Variants in AGAP1 observed in about 807,000 individuals in gnomAD.
AGAP1 encodes ArfGAP with GTPase domain, ankyrin repeat and PH domain 1, also known as arf-GAP with GTPase, ANK repeat and PH domain-containing protein 1.
Under a neutral mutation model 105.3 loss-of-function variants are expected in AGAP1, and 29 were observed. The ratio of observed to expected loss-of-function variants is 0.28; its 90% CI spans 0.21 to 0.38. AGAP1 has a LOEUF of 0.38. Among genes scored for constraint, AGAP1 ranks in the 10% least tolerant of loss-of-function variants. The pLI is 1.00. For missense variants in AGAP1, 998 were observed against 1,165.1 expected (o/e 0.86, Z 2.09); for synonymous variants, 509 against 485.9 (o/e 1.05, Z -0.63).
intron 11 of AGAP1, among the ~76,000 whole-genome samples, chr2:235,911,176 A>G (rs191446808): frequency 1.1e-4 from 16 of 152,338 alleles, no homozygotes; most frequent in Admixed American, 6.5e-4. Context: ...TTATGTATAC[A>G]TTGTGGAATG....
chr2:235,744,356 T>C lies in AGAP1; in HGVS notation c.397-342T>C, dbSNP rs1363638799. ...CTGGCAGGAGGTGGGTCTGGCCTTC[T>C]GTCTGCGGGGCCGCCTTGGCAGGTC... On this transcript the variant is annotated intron_variant, in intron 4 of 17. Transcript: ENST00000304032. This position sits in a 1 kb window ranked among gnomAD's most constrained non-coding sequence, Gnocchi z 5.2. 6.6e-6 allele frequency among the ~76,000 whole-genome samples: 1 copy of C among 152,192 alleles called. No individual in the cohort carries two copies. Among genetic ancestry groups the C allele is most frequent in the Non-Finnish European group, 1.5e-5 (1 of 68,040 alleles).
At chr2:235,826,858 T>TA (rs1241543386) in intron 9 of AGAP1, among the ~76,000 whole-genome samples, 8 of 152,226 alleles carry the variant, frequency 5.3e-5, no homozygotes, top group Non-Finnish European at 7.3e-5. Context: ...AGAATGTTTC[T>TA]AAAACACACA....
rs1224896028 is a variant in AGAP1, at chr2:235,992,576, A to G, written c.1645+23953A>G. 6.6e-6 allele frequency among the ~76,000 whole-genome samples: 1 copy of G among 152,170 alleles called. No individual in the cohort carries two copies. The highest frequency in any genetic ancestry group is 1.9e-4 in the East Asian group (1 of 5,192). ...TGACTCACCTAAGAAAGGCTCGGGG[A>G]CACTGTTGTGTTCTGATGTAAGAGA... is the stretch of plus-strand genomic sequence containing the variant. On this transcript the variant is annotated intron_variant, in intron 13 of 17. Coordinates refer to ENST00000304032, the MANE Select transcript of AGAP1 (RefSeq NM_001037131.3). This position sits in a 1 kb window ranked among gnomAD's most constrained non-coding sequence, Gnocchi z 4.8.
At chr2:235,514,188 C>T (rs986117417) in intron 1 of AGAP1, among the ~76,000 whole-genome samples, 1 of 151,582 alleles carries the variant, frequency 6.6e-6, no homozygotes, top group Non-Finnish European at 1.5e-5. Context: ...ACACACATAC[C>T]TCCTCTCAGA....
At position 235,754,820 on chromosome 2, in the gene AGAP1, A is replaced by G. The variant is rs895946738; in HGVS notation, c.673+4332A>G. Among the ~76,000 whole-genome samples the G allele has an allele frequency of 1.3e-5, 2 of 152,124 alleles. No individual in the cohort carries two copies. The highest frequency in any genetic ancestry group is 2.9e-5 in the Non-Finnish European group (2 of 68,026). ...CGCAGGCAGGGTCCCTTCCTCCGTG[A>G]AGTTAAGGTCCACTAGGGAGGGTAA... On this transcript the variant is annotated intron_variant, in intron 6 of 17. Transcript: ENST00000304032. This position sits in a 1 kb window ranked among gnomAD's most constrained non-coding sequence, Gnocchi z 4.6.
intron 12 of AGAP1, among the ~76,000 whole-genome samples, chr2:235,944,581 A>G (rs538906089): frequency 2.3e-4 from 35 of 152,206 alleles, no homozygotes; most frequent in Non-Finnish European, 4.1e-4. Context: ...CCTTTGTTCT[A>G]TATCAAGCTT....
chr2:236,087,038 CTG>C lies in AGAP1; in HGVS notation c.2115-33152_2115-33151del, dbSNP rs2058948036. Among the ~76,000 whole-genome samples, 1 of 152,106 alleles carries C rather than the reference CTG, an allele frequency of 6.6e-6. No individual in the cohort carries two copies. The highest frequency in any genetic ancestry group is 6.6e-5 in the Admixed American group (1 of 15,266). Reference sequence around the variant, plus strand: ...AGAGGAGGTAGGTAAACTCAGGAAACTGTTTTCATGAGTAAATGAAGGAAACA... The same window carrying C: ...AGAGGAGGTAGGTAAACTCAGGAAACTTTTCATGAGTAAATGAAGGAAACA... On this transcript the variant is annotated intron_variant, in intron 16 of 17. Transcript: ENST00000304032. This position sits in a 1 kb window ranked among gnomAD's most constrained non-coding sequence, Gnocchi z 5.7.
chr2:235,568,880 T>A (rs1944431373), intron 1 of AGAP1, among the ~76,000 whole-genome samples: 1 of 152,078 alleles, frequency 6.6e-6, no homozygotes, highest in Non-Finnish European at 1.5e-5. Context: ...CTCTCACCTC[T>A]GCTCTATCAT....
chr2:235,653,263 A>T (rs920436261), intron 1 of AGAP1, among the ~76,000 whole-genome samples: 29 of 152,022 alleles, frequency 1.9e-4, no homozygotes, highest in African/African-American at 4.3e-4. Flanking sequence ...CAGGAGATCG[A>T]GACCATCCTG....
rs1227609162 is a variant in AGAP1, at chr2:236,099,412, A to G, written c.2115-20780A>G. On this transcript the variant is annotated intron_variant, in intron 16 of 17. Transcript: ENST00000304032. ...GGAGGTTGCGGTGAGCCGAGATCACACCACTGCACTCCAGCCTGGGCGACA... is the reference window on the plus strand; with the variant it reads ...GGAGGTTGCGGTGAGCCGAGATCACGCCACTGCACTCCAGCCTGGGCGACA... 4.0e-5 allele frequency among the ~76,000 whole-genome samples: 6 copies of G among 151,700 alleles called. No individual in the cohort carries two copies. In the South Asian group the frequency reaches 1.3e-3, roughly 32 times the overall value.
At chr2:235,641,339 T>C (rs62189205) in intron 1 of AGAP1, among the ~76,000 whole-genome samples, 3 of 151,094 alleles carry the variant, frequency 2.0e-5, no homozygotes, top group Non-Finnish European at 3.0e-5. Context: ...TCCCTCCCTC[T>C]CTTCCTTCCT....
In AGAP1 at chr2:235,751,675, C is replaced by G. The variant is rs1334375426; in HGVS notation, c.673+1187C>G. Among the ~76,000 whole-genome samples, 1 of 152,222 alleles carries G rather than the reference C, an allele frequency of 6.6e-6. No individual in the cohort carries two copies. Among genetic ancestry groups the G allele is most frequent in the Non-Finnish European group, 1.5e-5 (1 of 68,048 alleles). Reference sequence around the variant, plus strand: ...CATCAGTTCTCAAACTTCACATTTTCTTTCCTGGAGCAGTGAGGTTCCTTT... The same window carrying G: ...CATCAGTTCTCAAACTTCACATTTTGTTTCCTGGAGCAGTGAGGTTCCTTT... On this transcript the variant is annotated intron_variant, in intron 6 of 17. Coordinates refer to ENST00000304032, the MANE Select transcript of AGAP1 (RefSeq NM_001037131.3). This position sits in a 1 kb window ranked among gnomAD's most constrained non-coding sequence, Gnocchi z 5.3.
chr2:235,617,711 A>G (rs930749772), intron 1 of AGAP1, among the ~76,000 whole-genome samples: 3 of 152,200 alleles, frequency 2.0e-5, no homozygotes, highest in African/African-American at 7.2e-5. Context: ...CAAACAAACA[A>G]AAGAACATTT....
At chr2:235,526,833 C>G (rs1942858998) in intron 1 of AGAP1, among the ~76,000 whole-genome samples, 1 of 152,072 alleles carries the variant, frequency 6.6e-6, no homozygotes, top group South Asian at 2.1e-4. Flanking sequence ...ATTAAAAGTA[C>G]CACAGTTTTC....
intron 1 of AGAP1, among the ~76,000 whole-genome samples, chr2:235,616,878 G>T (rs1317984114): frequency 6.6e-6 from 1 of 152,138 alleles, no homozygotes; most frequent in Non-Finnish European, 1.5e-5. Context: ...GAGGAGGGGT[G>T]TATCTTGTAA....
At chr2:235,656,189 C>T (rs1947764943) in intron 1 of AGAP1, among the ~76,000 whole-genome samples, 1 of 152,166 alleles carries the variant, frequency 6.6e-6, no homozygotes, top group Admixed American at 6.5e-5. Flanking sequence ...TATCTTGGTG[C>T]TTTGTACCTT....
rs2055613539 is a variant in AGAP1, at chr2:235,992,511, G to A, written c.1645+23888G>A. 6.6e-6 allele frequency among the ~76,000 whole-genome samples: 1 copy of A among 152,182 alleles called. No individual in the cohort carries two copies. Among genetic ancestry groups the A allele is most frequent in the Non-Finnish European group, 1.5e-5 (1 of 68,036 alleles). Reference sequence around the variant, plus strand: ...GTTCTTATAGACTACAGTATTACTCGTGGGAGCCAAATTATGTGCAGTGTA... The same window carrying A: ...GTTCTTATAGACTACAGTATTACTCATGGGAGCCAAATTATGTGCAGTGTA... On this transcript the variant is annotated intron_variant, in intron 13 of 17. Coordinates refer to ENST00000304032, the MANE Select transcript of AGAP1 (RefSeq NM_001037131.3). This position sits in a 1 kb window ranked among gnomAD's most constrained non-coding sequence, Gnocchi z 4.8.
chr2:235,740,967 C>T lies in AGAP1; in HGVS notation c.315C>T (p.Gly105=), dbSNP rs1292824967. 2.5e-6 allele frequency: 4 copies of T among 1,614,188 alleles called. No homozygotes were observed. The highest frequency in any genetic ancestry group is 1.7e-5 in the Admixed American group (1 of 60,028). The part of the protein sequence containing the change: ...TYVQEESPEG[G]RFKKEIVVDG... The stretch of plus-strand genomic sequence containing the variant: ...GATGTTTTGTGTGTGTGGCAGGTGG[C>T]AGGTTCAAGAAAGAGATTGTCGTTG... The change falls in exon 4 of 18, where the codon GGC becomes GGT. Residue 105 remains glycine, a synonymous_variant. Transcript: ENST00000304032. This position sits in a 1 kb window ranked among gnomAD's most constrained non-coding sequence, Gnocchi z 5.7.
Position 235,777,100 on chromosome 2 carries a change from T to A in AGAP1, c.674-20659T>A. The stretch of plus-strand genomic sequence containing the variant: ...GATGCTGGGCGCGGTGGCTCATGCC[T>A]GTAATTCCAGCACTTTGAGAGGCCA... On this transcript the variant is annotated intron_variant, in intron 6 of 17. Transcript: ENST00000304032. This position sits in a 1 kb window ranked among gnomAD's most constrained non-coding sequence, Gnocchi z 5.1. 2.1e-6 allele frequency: 1 copy of A among 469,912 alleles called. No homozygotes were observed. Among genetic ancestry groups the A allele is most frequent in the Admixed American group, 2.4e-5 (1 of 42,534 alleles). 29.1% of individuals were successfully genotyped at this position (469,912 alleles called of 1,614,324 possible).
Sources: gnomAD v4.1 joint callset for allele counts (sites outside exome capture counted in the v4.1 genomes callset) on GRCh38, gnomAD v4.1.1 for gene constraint, Gnocchi (gnomAD v3.1) non-coding constraint, MANE v1.5 for transcripts, NCBI Gene and HGNC (gene_info 2026-07-23, HGNC 2026-07-21) for gene names.